Variants in METTL21A observed in about 807,000 individuals in gnomAD.
The protein encoded by METTL21A is methyltransferase 21A, HSPA lysine.
A neutral mutation model predicts 20.9 loss-of-function variants in METTL21A; 22 were observed. The observed-to-expected ratio is 1.05, with a 90% CI of 0.75 to 1.50. The LOEUF (loss-of-function observed/expected upper bound fraction) is 1.50, where lower values mean the gene tolerates loss of function less well. Ranked by LOEUF, METTL21A falls within the 40% of genes most tolerant of loss-of-function variation. METTL21A has a pLI of 0.00. For synonymous variants in METTL21A, 93 were observed against 102.0 expected, an observed-to-expected ratio of 0.91 and a Z score of 0.53; for missense variants, 271 against 266.8, an observed-to-expected ratio of 1.02 and a Z score of -0.11.
intron 3 of METTL21A, among the ~76,000 whole-genome samples, chr2:207,603,796 A>G (rs1240857225): frequency 6.6e-6 from 1 of 152,212 alleles, no homozygotes; most frequent in African/African-American, 2.4e-5. Flanking sequence ...CTGTGATCAT[A>G]TAAATTGGAA....
At chr2:207,617,955 G>A (rs1372504275) in intron 3 of METTL21A, among the ~76,000 whole-genome samples, 1 of 152,146 alleles carries the variant, frequency 6.6e-6, no homozygotes, top group Non-Finnish European at 1.5e-5. Flanking sequence ...AAAGGAGGAA[G>A]AACAAGTTTA....
At chr2:207,619,526 A>G (rs1222318737) in intron 3 of METTL21A, among the ~76,000 whole-genome samples, 1 of 152,222 alleles carries the variant, frequency 6.6e-6, no homozygotes, top group East Asian at 1.9e-4. Context: ...AAAATCATAC[A>G]GTAGCAGAGA....
chr2:207,595,883 C>T (rs1314668162), intron 3 of METTL21A, among the ~76,000 whole-genome samples: 2 of 152,112 alleles, frequency 1.3e-5, no homozygotes, highest in African/African-American at 4.8e-5. Context: ...TAGATCTTAA[C>T]CCCTTAGCAG....
intron 3 of METTL21A, chr2:207,582,263 C>G (rs1425605353): frequency 3.0e-6 from 2 of 664,454 alleles, no homozygotes; most frequent in Non-Finnish European, 5.4e-6. Flanking sequence ...CAGATATATT[C>G]TTTTCTCTTT....
At chr2:207,596,874 A>T in intron 3 of METTL21A, 1 of 1,581,200 alleles carries the variant, frequency 6.3e-7, no homozygotes, top group South Asian at 1.2e-5. Context: ...AATATGTGGA[A>T]ATCATTTGCA....
chr2:207,595,449 A>G (rs1281115615), intron 3 of METTL21A, among the ~76,000 whole-genome samples: 2 of 151,500 alleles, frequency 1.3e-5, no homozygotes, highest in Non-Finnish European at 2.9e-5. Flanking sequence ...TTGAGACAGC[A>G]TCTTGCTGTC....
chr2:207,585,340 A>G (rs976224623), intron 3 of METTL21A, among the ~76,000 whole-genome samples: 20 of 152,216 alleles, frequency 1.3e-4, no homozygotes, highest in Admixed American at 1.2e-3. Flanking sequence ...TGATGACAGT[A>G]AAAGAAATCA....
At chr2:207,613,011 C>T (rs1333462681) in exon 4 of METTL21A, 1 of 1,517,550 alleles carries the variant, frequency 6.6e-7, no homozygotes, top group Non-Finnish European at 8.8e-7. Flanking sequence ...TTAAGTGACA[C>T]ACTCAATGAC....
chr2:207,582,055 C>T, exon 4 of METTL21A: 2 of 700,702 alleles, frequency 2.9e-6, no homozygotes, highest in East Asian at 2.7e-5. Flanking sequence ...GCGATATTAA[C>T]TTTGATCACT....
At chr2:207,604,614 CATAA>C (rs925616281), downstream of METTL21A, among the ~76,000 whole-genome samples, 4 of 152,218 alleles carry the variant, frequency 2.6e-5, no homozygotes, top group Non-Finnish European at 2.9e-5. Flanking sequence ...ATGCAATTCA[CATAA>C]ATTAACTTTT....
At chr2:207,614,328 G>C (rs556610446) in intron 3 of METTL21A, among the ~76,000 whole-genome samples, 1 of 151,928 alleles carries the variant, frequency 6.6e-6, no homozygotes, top group Admixed American at 6.6e-5. Flanking sequence ...ATGGGAGATC[G>C]AGGCTGCAGT....
chr2:207,594,260 T>G (rs1350153709), intron 3 of METTL21A, among the ~76,000 whole-genome samples: 1 of 152,178 alleles, frequency 6.6e-6, no homozygotes, highest in Non-Finnish European at 1.5e-5. Context: ...ACCATCTTAA[T>G]GAGTTTTAAG....
chr2:207,603,930 T>A (rs1192412183), intron 3 of METTL21A, among the ~76,000 whole-genome samples: 1 of 152,248 alleles, frequency 6.6e-6, no homozygotes, highest in East Asian at 1.9e-4. Flanking sequence ...AGCTGCATTA[T>A]TTGTATGTTT....
At chr2:207,592,410 A>T (rs2085220673) in intron 3 of METTL21A, among the ~76,000 whole-genome samples, 1 of 152,086 alleles carries the variant, frequency 6.6e-6, no homozygotes. Context: ...ATCTCAAAAA[A>T]TAAAAAAAGA....
At chr2:207,609,598 A>T (rs1354595333), downstream of METTL21A, 1 of 152,178 alleles carries the variant, frequency 6.6e-6, no homozygotes, top group Non-Finnish European at 1.5e-5. Flanking sequence ...AAAGGAGCTT[A>T]TATGTAGGAA....
exon 4 of METTL21A, chr2:207,613,398 A>G: frequency 1.9e-6 from 3 of 1,606,758 alleles, no homozygotes; most frequent in Non-Finnish European, 2.5e-6. Flanking sequence ...GTTTGATTTA[A>G]GAAATTCTAA....
chr2:207,622,868 T>C (rs2090660980), intron 2 of METTL21A, among the ~76,000 whole-genome samples: 1 of 152,178 alleles, frequency 6.6e-6, no homozygotes, highest in African/African-American at 2.4e-5. Flanking sequence ...TTCCTCTTCT[T>C]GGTGAGCATT....
intron 3 of METTL21A, chr2:207,620,693 T>A (rs750855513): frequency 9.8e-6 from 15 of 1,533,960 alleles, no homozygotes; most frequent in Non-Finnish European, 1.3e-5. Flanking sequence ...ATGACTTAAG[T>A]GCTGTGGTTG....
intron 2 of METTL21A, among the ~76,000 whole-genome samples, chr2:207,623,328 TTAAAACTG>T (rs1278244304): frequency 2.0e-5 from 3 of 152,232 alleles, no homozygotes; most frequent in Admixed American, 1.3e-4. Flanking sequence ...CCTAACAATG[TTAAAACTG>T]TCAAACTGTA....
Sources: allele counts gnomAD v4.1 joint callset (sites outside exome capture counted in the v4.1 genomes callset), GRCh38; gene constraint gnomAD v4.1.1; transcripts MANE v1.5; gene names NCBI Gene and HGNC (gene_info 2026-07-23, HGNC 2026-07-21).